DYM: variants seen among roughly 807,000 people sequenced by gnomAD.
DYM encodes the protein dymeclin, also known as dyggve-Melchior-Clausen syndrome protein.
A neutral mutation model predicts 93.1 loss-of-function variants in DYM; 78 were observed. The observed-to-expected ratio is 0.84, with a 90% CI of 0.70 to 1.01. DYM has a LOEUF of 1.01. DYM is among the 50% of genes least tolerant of loss of function. DYM has a pLI of 0.00. For missense variants in DYM, 789 were observed against 845.0 expected, an observed-to-expected ratio of 0.93 and a Z score of 0.82; for synonymous variants, 321 against 319.7, an observed-to-expected ratio of 1.00 and a Z score of -0.04.
intron 15 of DYM, among the ~76,000 whole-genome samples, chr18:49,152,211 T>C (rs2085894193): frequency 6.6e-6 from 1 of 152,316 alleles, no homozygotes; most frequent in East Asian, 1.9e-4. Flanking sequence ...TATTCTACCA[T>C]ATTCCATAAG....
chr18:49,309,827 G>A (rs1428008443), intron 8 of DYM, among the ~76,000 whole-genome samples: 2 of 152,118 alleles, frequency 1.3e-5, no homozygotes, highest in Non-Finnish European at 2.9e-5. Context: ...AAGAAACACT[G>A]GCCAACATAA....
chr18:49,323,150 C>T (rs1217283904), intron 8 of DYM, among the ~76,000 whole-genome samples: 1 of 152,168 alleles, frequency 6.6e-6, no homozygotes, highest in Non-Finnish European at 1.5e-5. Flanking sequence ...GCTCCTTACA[C>T]ATTTTGGCCT....
intron 2 of DYM, chr18:49,412,066 T>C (rs1229186739): frequency 6.6e-6 from 1 of 151,980 alleles, no homozygotes; most frequent in Non-Finnish European, 1.5e-5. Context: ...AACGCACCCA[T>C]GCAGAACCAA....
At chr18:49,082,779 G>T (rs2145223318) in intron 17 of DYM, among the ~76,000 whole-genome samples, 1 of 152,292 alleles carries the variant, frequency 6.6e-6, no homozygotes, top group Middle Eastern at 3.4e-3. Flanking sequence ...GTATACATTT[G>T]ATTTCTTTAT....
intron 8 of DYM, among the ~76,000 whole-genome samples, chr18:49,326,992 C>CGT (rs10584298): frequency 0.044 from 4,095 of 93,296 alleles, 106 homozygotes; most frequent in Middle Eastern, 0.081. Context: ...TTTAAAAAAC[C>CGT]GTGTGTGTGT....
Position 49,044,123 on chromosome 18 carries a change from A to G in DYM, c.2107T>C (p.Tyr703His). ...CAGTACAGGCCGACTGCTGAGTTGTAGACAAGAGACCAGACATAGGGGATA... is the reference window on the plus strand; with the variant it reads ...CAGTACAGGCCGACTGCTGAGTTGTGGACAAGAGACCAGACATAGGGGATA... Reference protein sequence around the residue: ...FFIPYVWSLVYNSAVGLYWNP... With the variant: ...FFIPYVWSLVHNSAVGLYWNP... Residue 703 changes from tyrosine (Y) to histidine (H), a missense_variant, in exon 18 of 18, where the codon TAC becomes CAC. Physicochemically the swap from Tyr to His is moderately conservative, Grantham distance 83. Coordinates refer to ENST00000675505, the MANE Select transcript of DYM (RefSeq NM_001353214.3). 6.2e-7 allele frequency: 1 copy of G among 1,614,186 alleles called. No homozygotes were observed. The highest frequency in any genetic ancestry group is 8.5e-7 in the Non-Finnish European group (1 of 1,180,032).
rs148873908 is a variant in DYM, at chr18:49,284,601, T to C, written c.946+1833A>G. Among the ~76,000 whole-genome samples, 12 of 152,330 alleles carry C rather than the reference T, an allele frequency of 7.9e-5. No homozygotes were observed. In the East Asian group the frequency reaches 2.1e-3, roughly 27 times the overall value. ...ATACTATTAGGTGATATTATCTCTA[T>C]TTTATAGGCCAAGCTTTTGAAGCTA... On this transcript the variant is annotated intron_variant, in intron 9 of 17. Coordinates refer to ENST00000675505, the MANE Select transcript of DYM (RefSeq NM_001353214.3).
At chr18:49,139,329 C>T (rs1600073003) in intron 15 of DYM, among the ~76,000 whole-genome samples, 1 of 152,192 alleles carries the variant, frequency 6.6e-6, no homozygotes, top group Non-Finnish European at 1.5e-5. Context: ...CATTTGCTTT[C>T]TTATTCTGAA....
At chr18:49,145,921 G>T in intron 15 of DYM, among the ~76,000 whole-genome samples, 1 of 151,330 alleles carries the variant, frequency 6.6e-6, no homozygotes, top group Non-Finnish European at 1.5e-5. Context: ...TATTTAGGAA[G>T]GTTTATATAT....
chr18:49,313,532 A>G (rs1473831754), intron 8 of DYM, among the ~76,000 whole-genome samples: 1 of 150,060 alleles, frequency 6.7e-6, no homozygotes, highest in African/African-American at 2.4e-5. Context: ...AAACCTGTCA[A>G]GACATCACCC....
At chr18:49,065,665 AT>A (rs956686881) in intron 17 of DYM, among the ~76,000 whole-genome samples, 32 of 148,664 alleles carry the variant, frequency 2.2e-4, no homozygotes, top group South Asian at 4.3e-4. Flanking sequence ...CCCGGCCTCA[AT>A]TTTTTTTTTT....
intron 15 of DYM, among the ~76,000 whole-genome samples, chr18:49,149,454 C>T (rs2085558254): frequency 1.3e-5 from 2 of 152,186 alleles, no homozygotes; most frequent in African/African-American, 4.8e-5. Flanking sequence ...ATTCCCAACA[C>T]TCCCAATCTC....
At chr18:49,050,366 C>T (rs916200301) in intron 17 of DYM, among the ~76,000 whole-genome samples, 2 of 152,062 alleles carry the variant, frequency 1.3e-5, no homozygotes, top group Non-Finnish European at 2.9e-5. Context: ...GCTAGGATTA[C>T]AGGCATGAGC....
chr18:49,073,781 AT>A (rs1202527668), intron 17 of DYM, among the ~76,000 whole-genome samples: 2 of 152,178 alleles, frequency 1.3e-5, no homozygotes, highest in African/African-American at 4.8e-5. Context: ...CTCTTTAACC[AT>A]TTAATCCATT....
rs35006654 is a variant in DYM at position 49,096,038 on chromosome 18, C to CA, written c.2025+1363dup. On this transcript the variant is annotated intron_variant, in intron 17 of 17. Coordinates refer to ENST00000675505, the MANE Select transcript of DYM (RefSeq NM_001353214.3). ...TAGTTTACATAAATTTGAAATAGTT[C>CA]AAAAAAATCCCACAAAAATACCCCC... 2.0e-4 allele frequency among the ~76,000 whole-genome samples: 31 copies of CA among 152,062 alleles called. No individual in the cohort carries two copies. The South Asian group carries it at 4.6e-3, about 22-fold the overall frequency.
At chr18:49,238,304 C>A (rs1317890543) in intron 13 of DYM, among the ~76,000 whole-genome samples, 3 of 152,064 alleles carry the variant, frequency 2.0e-5, no homozygotes, top group Non-Finnish European at 4.4e-5. Context: ...CTATGTGATA[C>A]CCTTTTAAGT....
chr18:49,222,710 G>C (rs1361521700), intron 13 of DYM, among the ~76,000 whole-genome samples: 1 of 152,108 alleles, frequency 6.6e-6, no homozygotes, highest in Non-Finnish European at 1.5e-5. Flanking sequence ...TGAAACTCTA[G>C]TTTTGAAAAT....
intron 8 of DYM, among the ~76,000 whole-genome samples, chr18:49,293,358 C>A (rs991767723): frequency 1.3e-5 from 2 of 152,044 alleles, no homozygotes; most frequent in African/African-American, 4.8e-5. Context: ...GGGATTGCTG[C>A]GTCAAATGGT....
chr18:49,212,867 G>A (rs559239143), intron 13 of DYM, among the ~76,000 whole-genome samples: 9 of 152,088 alleles, frequency 5.9e-5, no homozygotes, highest in African/African-American at 2.2e-4. Context: ...TCCATTTTAA[G>A]ATTATGAGAT....
Sources: allele counts gnomAD v4.1 joint callset (sites outside exome capture counted in the v4.1 genomes callset), GRCh38; gene constraint gnomAD v4.1.1; transcripts MANE v1.5; gene names NCBI Gene and HGNC (gene_info 2026-07-23, HGNC 2026-07-21).